Variants in SGCZ observed in about 807,000 individuals in gnomAD.
The protein encoded by SGCZ is zeta-sarcoglycan.
SGCZ carries 40 observed loss-of-function variants against 41.3 expected under a neutral mutation model. The observed-to-expected ratio is 0.97, with a 90% CI of 0.75 to 1.26. The LOEUF (loss-of-function observed/expected upper bound fraction) is 1.26, where lower values mean the gene tolerates loss of function less well. SGCZ is among the 50% of genes most tolerant of loss of function. The probability of loss-of-function intolerance (pLI) is 0.00; values close to 1 mark genes in which losing one functional copy is unlikely to be tolerated. For missense variants in SGCZ, 552 were observed against 369.8 expected, an observed-to-expected ratio of 1.49 and a Z score of -4.04; for synonymous variants, 206 against 137.5, an observed-to-expected ratio of 1.50 and a Z score of -3.49.
intron 2 of SGCZ, among the ~76,000 whole-genome samples, chr8:14,386,572 G>A (rs1804586300): frequency 6.6e-6 from 1 of 152,098 alleles, no homozygotes. Context: ...GCACTGTAAA[G>A]TGGTTTGTAA....
chr8:14,359,872 T>C (rs745929013), intron 2 of SGCZ, among the ~76,000 whole-genome samples: 7 of 149,978 alleles, frequency 4.7e-5, no homozygotes, highest in Admixed American at 2.0e-4. Flanking sequence ...ATCAACAGAA[T>C]GCTGGCAAAT....
At chr8:14,721,627 C>T (rs1217480933) in intron 1 of SGCZ, among the ~76,000 whole-genome samples, 1 of 152,206 alleles carries the variant, frequency 6.6e-6, no homozygotes, top group Admixed American at 6.5e-5. Flanking sequence ...CCAATTCTCA[C>T]TTGGATTATT....
intron 1 of SGCZ, among the ~76,000 whole-genome samples, chr8:14,642,268 C>G (rs1352556105): frequency 6.6e-6 from 1 of 151,550 alleles, no homozygotes; most frequent in Admixed American, 6.6e-5. Context: ...ATAATTGTAA[C>G]AATATCATTA....
At chr8:15,208,208 G>A (rs916418188) in intron 1 of SGCZ, among the ~76,000 whole-genome samples, 5 of 152,282 alleles carry the variant, frequency 3.3e-5, no homozygotes, top group African/African-American at 9.6e-5. Flanking sequence ...AATCCTCAGG[G>A]TTTGCTGGAA....
intron 2 of SGCZ, among the ~76,000 whole-genome samples, chr8:14,494,687 C>T (rs1195536555): frequency 4.6e-5 from 7 of 152,102 alleles, no homozygotes; most frequent in Non-Finnish European, 7.4e-5. Context: ...TGAGAAACAA[C>T]GTTGTTGCTG....
intron 1 of SGCZ, among the ~76,000 whole-genome samples, chr8:15,036,508 C>G (rs1026243169): frequency 6.6e-6 from 1 of 152,056 alleles, no homozygotes; most frequent in African/African-American, 2.4e-5. Context: ...CCCCATGATA[C>G]ATGTTTACCT....
At chr8:14,452,335 G>T (rs1800618658) in intron 2 of SGCZ, among the ~76,000 whole-genome samples, 1 of 152,142 alleles carries the variant, frequency 6.6e-6, no homozygotes, top group East Asian at 1.9e-4. Context: ...GGGCACAGTG[G>T]ATTTCCAGGA....
intron 1 of SGCZ, among the ~76,000 whole-genome samples, chr8:14,871,491 A>T (rs1804149411): frequency 6.6e-6 from 1 of 151,966 alleles, no homozygotes; most frequent in African/African-American, 2.4e-5. Flanking sequence ...AACCCAAATG[A>T]CCATCAATGA....
chr8:14,966,094 C>T (rs778197316), intron 1 of SGCZ, among the ~76,000 whole-genome samples: 1 of 151,716 alleles, frequency 6.6e-6, no homozygotes, highest in Non-Finnish European at 1.5e-5. Flanking sequence ...CATGAAGAGA[C>T]ACCTGAAAAG....
At chr8:14,186,581 C>G (rs926698029) in intron 4 of SGCZ, among the ~76,000 whole-genome samples, 1 of 152,122 alleles carries the variant, frequency 6.6e-6, no homozygotes, top group Non-Finnish European at 1.5e-5. Flanking sequence ...GTGCTTAGTT[C>G]CTAAGCAGAG....
At chr8:14,390,889 C>A (rs186323030) in intron 2 of SGCZ, among the ~76,000 whole-genome samples, 1 of 151,952 alleles carries the variant, frequency 6.6e-6, no homozygotes, top group East Asian at 1.9e-4. Flanking sequence ...AGTAAAATGT[C>A]CAACTTTGAC....
At chr8:14,852,598 T>C (rs1013892932) in intron 1 of SGCZ, among the ~76,000 whole-genome samples, 1 of 152,216 alleles carries the variant, frequency 6.6e-6, no homozygotes, top group African/African-American at 2.4e-5. Flanking sequence ...TTCACCTCAG[T>C]TGAACAATTT....
At chr8:14,263,855 A>G (rs1162993716) in intron 3 of SGCZ, among the ~76,000 whole-genome samples, 1 of 152,116 alleles carries the variant, frequency 6.6e-6, no homozygotes, top group Non-Finnish European at 1.5e-5. Context: ...TCAGAGACAG[A>G]CAAAACTCTC....
intron 5 of SGCZ, among the ~76,000 whole-genome samples, chr8:14,126,910 T>C (rs1460328360): frequency 1.3e-5 from 2 of 151,942 alleles, no homozygotes; most frequent in Non-Finnish European, 1.5e-5. Flanking sequence ...TTCTCATTTA[T>C]ATATGGGAGC....
At chr8:15,178,100 C>T (rs1486638269) in intron 1 of SGCZ, among the ~76,000 whole-genome samples, 1 of 152,156 alleles carries the variant, frequency 6.6e-6, no homozygotes, top group East Asian at 1.9e-4. Flanking sequence ...CAGGACACTG[C>T]CTCCTGAGCC....
intron 1 of SGCZ, among the ~76,000 whole-genome samples, chr8:14,686,857 T>G (rs1327306085): frequency 2.0e-5 from 3 of 152,102 alleles, no homozygotes; most frequent in African/African-American, 4.8e-5. Context: ...TACTGCCACA[T>G]GGCTTCATCA....
At chr8:14,625,166 TGTTCCATAACTTAAAGATAA>T (rs1426825214) in intron 1 of SGCZ, among the ~76,000 whole-genome samples, 1 of 152,196 alleles carries the variant, frequency 6.6e-6, no homozygotes, top group Admixed American at 6.5e-5. Flanking sequence ...CTGTGTTCAG[TGTTCCATAACTTAAAGATAA>T]GTTATTCTTA....
In SGCZ at chr8:15,159,543, T is replaced by G. The variant is rs77996541; in HGVS notation, c.39+78042A>C. Among the ~76,000 whole-genome samples the G allele has an allele frequency of 5.9e-3, 898 of 152,040 alleles. 22 individuals carry two copies. The East Asian group carries it at 0.078, about 13-fold the overall frequency. On this transcript the variant is annotated intron_variant, in intron 1 of 7. Coordinates refer to ENST00000382080, the MANE Select transcript of SGCZ (RefSeq NM_139167.4). ...TACTTCCAGGTAGATGCTGCCAGAG[T>G]TGAATTGGAGGATATGCAGCTTGTG...
At chr8:15,169,999 T>C (rs2117060493) in intron 1 of SGCZ, among the ~76,000 whole-genome samples, 1 of 152,340 alleles carries the variant, frequency 6.6e-6, no homozygotes, top group African/African-American at 2.4e-5. Context: ...TTTAAATCTT[T>C]GTGGCCAGGA....
Sources: gnomAD v4.1 joint callset for allele counts (sites outside exome capture counted in the v4.1 genomes callset) on GRCh38, gnomAD v4.1.1 for gene constraint, MANE v1.5 for transcripts, NCBI Gene and HGNC (gene_info 2026-07-23, HGNC 2026-07-21) for gene names.